Variants in ACSS1 observed in about 807,000 individuals in gnomAD.
The protein encoded by ACSS1 is acyl-CoA synthetase short chain family member 1.
A neutral mutation model predicts 75.3 loss-of-function variants in ACSS1; 42 were observed. The observed-to-expected ratio is 0.56, with a 90% CI of 0.44 to 0.72. The LOEUF is 0.72. Ranked by LOEUF, ACSS1 falls within the 30% of genes least tolerant of loss-of-function variation. The pLI, the probability that ACSS1 is intolerant of heterozygous loss-of-function variation, is 0.00. For synonymous variants in ACSS1, 380 were observed against 376.8 expected (o/e 1.01, Z -0.10); for missense variants, 782 against 935.7 (o/e 0.84, Z 2.14).
At chr20:25,023,972 C>T (rs1000484100) in intron 3 of ACSS1, among the ~76,000 whole-genome samples, 1 of 152,176 alleles carries the variant, frequency 6.6e-6, no homozygotes, top group Admixed American at 6.5e-5. Context: ...AGGAGCAAAC[C>T]CCAGGAAAGA....
At chr20:25,048,400 T>C (rs1470172977) in intron 1 of ACSS1, among the ~76,000 whole-genome samples, 1 of 152,132 alleles carries the variant, frequency 6.6e-6, no homozygotes. Flanking sequence ...GCAAATATTT[T>C]GAAGTGGTTG....
At chr20:25,050,922 T>G (rs940198994) in intron 1 of ACSS1, among the ~76,000 whole-genome samples, 7 of 152,108 alleles carry the variant, frequency 4.6e-5, no homozygotes, top group Non-Finnish European at 7.4e-5. Flanking sequence ...TGTCCCTGTC[T>G]TTCCAGGGCT....
chr20:25,041,088 C>A (rs1210690510), intron 2 of ACSS1, among the ~76,000 whole-genome samples: 3 of 152,092 alleles, frequency 2.0e-5, no homozygotes, highest in Non-Finnish European at 2.9e-5. Context: ...GAAACCCCGT[C>A]TCTATTAAAA....
Position 25,048,197 on chromosome 20 carries a change from G to A in ACSS1, c.335-16C>T, listed in dbSNP as rs550442248. ...AAGCAGTTGACTGTACAAAAAGAGG[G>A]TTTGCGGATGTTACACTTGGTGCTT... On this transcript the variant is annotated splice_polypyrimidine_tract_variant and intron_variant, in intron 1 of 13. Transcript: ENST00000323482. 1.2e-6 allele frequency: 2 copies of A among 1,608,954 alleles called. No individual in the cohort carries two copies. Among genetic ancestry groups the A allele is most frequent in the South Asian group, 2.2e-5 (2 of 90,824 alleles).
At chr20:25,040,732 C>G (rs980424418) in intron 2 of ACSS1, among the ~76,000 whole-genome samples, 1 of 152,202 alleles carries the variant, frequency 6.6e-6, no homozygotes, top group African/African-American at 2.4e-5. Flanking sequence ...GACACTAGCC[C>G]CAGCCTGGGA....
intron 5 of ACSS1, among the ~76,000 whole-genome samples, chr20:25,022,687 C>T (rs951728418): frequency 6.6e-6 from 1 of 152,236 alleles, no homozygotes; most frequent in Non-Finnish European, 1.5e-5. Context: ...GCGAATGGCC[C>T]TTAGTGTCCT....
In ACSS1 at chr20:25,006,760, C is replaced by A; in HGVS notation, c.*1002G>T. ...ACATTAAAACAAAGAGAGACTGGAT[C>A]CAGACCTCCAAGTCTCATCATTGGA... On this transcript the variant is annotated 3_prime_UTR_variant, in exon 14 of 14. Transcript: ENST00000323482. 1 of 1,434,404 alleles carries A rather than the reference C, an allele frequency of 7.0e-7. No homozygotes were observed. The highest frequency in any genetic ancestry group is 9.4e-7 in the Non-Finnish European group (1 of 1,063,284). 88.9% of individuals were successfully genotyped at this position (1,434,404 alleles called of 1,614,324 possible).
intron 2 of ACSS1, among the ~76,000 whole-genome samples, chr20:25,033,124 C>T (rs1241265689): frequency 2.0e-5 from 3 of 150,120 alleles, no homozygotes. Context: ...GGCCTGTGAC[C>T]GGCTGAAGAG....
chr20:25,020,572 T>C (rs1238169732), intron 6 of ACSS1, among the ~76,000 whole-genome samples: 1 of 152,230 alleles, frequency 6.6e-6, no homozygotes, highest in East Asian at 1.9e-4. Flanking sequence ...AGCAGGGCCA[T>C]GTGCCCGGCA....
At chr20:25,024,901 C>CA (rs1046424701) in intron 3 of ACSS1, among the ~76,000 whole-genome samples, 41 of 152,318 alleles carry the variant, frequency 2.7e-4, no homozygotes, top group African/African-American at 9.6e-4. Context: ...GCCACCCCTG[C>CA]ATCTGGCACC....
At chr20:25,013,855 C>G in intron 9 of ACSS1, 106 bp downstream of exon 9, 1 of 1,373,180 alleles carries the variant, frequency 7.3e-7, no homozygotes, top group Non-Finnish European at 1.0e-6. Context: ...GGTCAGCAGC[C>G]TCCTGCCAGG....
chr20:25,013,712 G>A (rs1391443372), intron 9 of ACSS1, 50 bp from the exon 10 acceptor site: 1 of 1,559,672 alleles, frequency 6.4e-7, no homozygotes, highest in Admixed American at 1.8e-5. Flanking sequence ...TGGGTGAGAA[G>A]TGTGCCAAAA....
intron 1 of ACSS1, among the ~76,000 whole-genome samples, chr20:25,051,275 C>T (rs1052390386): frequency 6.6e-6 from 1 of 152,202 alleles, no homozygotes; most frequent in African/African-American, 2.4e-5. Flanking sequence ...GAGTGTCCTG[C>T]TCAGGTCTGG....
At position 25,057,985 on chromosome 20, in the gene ACSS1, C is replaced by T; in HGVS notation, c.118G>A (p.Gly40Arg). The T allele has an allele frequency of 1.3e-6, 2 of 1,536,710 alleles. No individual in the cohort carries two copies. The highest frequency in any genetic ancestry group is 1.7e-6 in the Non-Finnish European group (2 of 1,143,250). ...ACTGCGGGAGCGCTGCCCGAGGGTC[C>T]CGAGGCCGCCCTGCGCGGCGCGCTC... ...GVSAPRRAAS[G>R]PSGSAPAVAA... is the part of the protein sequence containing the mutation. The change falls in exon 1 of 14, where the codon GGA becomes AGA. Residue 40 changes from glycine (G) to arginine (R), a missense_variant. Physicochemically the swap from Gly to Arg is moderately radical, Grantham distance 125. Around this residue, in one of 2 missense-constraint regions of ACSS1, gnomAD observed 377 missense variants for 383.1 expected, o/e 0.98. Coordinates refer to ENST00000323482, the MANE Select transcript of ACSS1 (RefSeq NM_032501.4).
rs2088663090 is a variant in ACSS1, at chr20:25,023,500, A to C, written c.773T>G (p.Val258Gly). Residue 258 changes from valine (V) to glycine (G), a missense_variant, in exon 4 of 14, where the codon GTC (valine) becomes GGC (glycine). Transcript: ENST00000323482. ...CGGGACGTCCAGATCCCCCATGTGG[A>C]CCTTGTTGTCTGTCCTGTGAGCCAC... is the stretch of plus-strand genomic sequence containing the variant. ...VLVAHRTDNK[V>G]HMGDLDVPLE... The C allele has an allele frequency of 1.2e-6, 2 of 1,614,004 alleles. No homozygotes were observed. Among genetic ancestry groups the C allele is most frequent in the African/African-American group, 2.7e-5 (2 of 74,888 alleles).
chr20:25,034,882 T>C (rs1444231228), intron 2 of ACSS1, among the ~76,000 whole-genome samples: 1 of 150,092 alleles, frequency 6.7e-6, no homozygotes, highest in African/African-American at 2.5e-5. Flanking sequence ...ACCATATGGA[T>C]TTTTTGTTTT....
chr20:25,029,367 A>G (rs2122677781), intron 3 of ACSS1, among the ~76,000 whole-genome samples: 1 of 152,352 alleles, frequency 6.6e-6, no homozygotes, highest in Non-Finnish European at 1.5e-5. Flanking sequence ...AATTTTTTAA[A>G]GTGAAAAACA....
chr20:25,047,197 C>T (rs1006404277), intron 2 of ACSS1, among the ~76,000 whole-genome samples: 100 of 152,320 alleles, frequency 6.6e-4, no homozygotes, highest in African/African-American at 2.2e-3. Context: ...GGGCAGTGAC[C>T]GCTGCTCTCA....
intron 2 of ACSS1, among the ~76,000 whole-genome samples, chr20:25,047,271 C>G (rs1568849030): frequency 6.6e-6 from 1 of 152,276 alleles, no homozygotes; most frequent in East Asian, 1.9e-4. Flanking sequence ...CTCCTGTGTC[C>G]CAGCCACATG....
Sources: allele counts gnomAD v4.1 joint callset (sites outside exome capture counted in the v4.1 genomes callset), GRCh38; gene constraint gnomAD v4.1.1; regional missense constraint gnomAD v4.1.1; transcripts MANE v1.5; gene names NCBI Gene and HGNC (gene_info 2026-07-23, HGNC 2026-07-21).